Variants in NTAN1 observed in about 807,000 individuals in gnomAD.
NTAN1 encodes N-terminal asparagine amidase, also known as protein N-terminal asparagine amidohydrolase.
NTAN1 carries 32 observed loss-of-function variants against 41.9 expected under a neutral mutation model. The ratio of observed to expected loss-of-function variants is 0.76; its 90% CI spans 0.58 to 1.03. NTAN1 has a LOEUF of 1.03. NTAN1 is among the 50% of genes least tolerant of loss of function. The probability of loss-of-function intolerance (pLI) is 0.00; values close to 1 mark genes in which losing one functional copy is unlikely to be tolerated. For synonymous variants in NTAN1, 140 were observed against 139.5 expected (o/e 1.00, Z -0.03); for missense variants, 377 against 377.5 (o/e 1.00, Z 0.01).
intron 5 of NTAN1, 52 bp from the exon 6 acceptor site, chr16:15,041,728 G>T: frequency 7.4e-7 from 1 of 1,344,440 alleles, no homozygotes; most frequent in Non-Finnish European, 1.1e-6. Context: ...CTAGTTACCA[G>T]AACAAACTGC....
chr16:15,044,365 C>T lies in NTAN1; in HGVS notation c.402G>A (p.Gln134=). 1 of 1,613,428 alleles carries T rather than the reference C, an allele frequency of 6.2e-7. No homozygotes were observed. Among genetic ancestry groups the T allele is most frequent in the Non-Finnish European group, 8.5e-7 (1 of 1,179,438 alleles). Reference sequence around the variant, plus strand: ...GTTGATGAGTGAGTTTTTGTGACAACTGCCTGTCGTCACTGAAGCCTCCAA... The same window carrying T: ...GTTGATGAGTGAGTTTTTGTGACAATTGCCTGTCGTCACTGAAGCCTCCAA... The part of the protein sequence containing the change: ...HLVGGFSDDR[Q]LSQKLTHQLL... Residue 134 remains glutamine, a synonymous_variant, in exon 5 of 10, where the codon CAG becomes CAA. Coordinates refer to ENST00000287706, the MANE Select transcript of NTAN1 (RefSeq NM_173474.4).
rs2043757502 is a variant in NTAN1, at chr16:15,040,337, G to C, written c.542-271C>G. The C allele has an allele frequency of 4.6e-5, 18 of 388,410 alleles. No individual in the cohort carries two copies. In the East Asian group the frequency reaches 7.9e-4, roughly 17 times the overall value. The allele number at this position is 388,410 out of a possible 1,614,324, so 24.1% of individuals were successfully genotyped here. A position where few individuals can be genotyped will look rare whatever the true frequency, so the allele number is the denominator to read the frequency against. ...CACATGGGAGGCAGCCATTCCTTCAGTCGGACATGTAGCAAAACCTCTGGT... is the reference window on the plus strand; with the variant it reads ...CACATGGGAGGCAGCCATTCCTTCACTCGGACATGTAGCAAAACCTCTGGT... On this transcript the variant is annotated intron_variant, in intron 7 of 9. Coordinates refer to ENST00000287706, the MANE Select transcript of NTAN1 (RefSeq NM_173474.4).
chr16:15,041,166 AAATGATTATTTTTACTTTGTATAAT>A (rs1445053426), intron 6 of NTAN1, 45 bp from the exon 7 acceptor site: 1 of 1,200,088 alleles, frequency 8.3e-7, no homozygotes, highest in East Asian at 2.3e-5. Context: ...AAGAAATACC[AAATGATTATTTTTACTTTGTATAAT>A]AAAGGCGAAG....
In NTAN1 at chr16:15,047,541, G is replaced by A; in HGVS notation, c.260C>T (p.Ala87Val). The A allele has an allele frequency of 6.2e-7, 1 of 1,612,458 alleles. No individual in the cohort carries two copies. Among genetic ancestry groups the A allele is most frequent in the Non-Finnish European group, 8.5e-7 (1 of 1,178,460 alleles). Residue 87 changes from alanine (A) to valine (V), a missense_variant, in exon 4 of 10, where the codon GCC becomes GTC. Ala to Val is a moderately conservative substitution (Grantham distance 64, BLOSUM62 0). Transcript: ENST00000287706. ...IVVLRHTGNG[A>V]TCLTHCDGTD... ...TCCGTCACAATGTGTCAAGCAGGTGGCCCCATTACCTGAAGAACAAGGGTG... is the reference window on the plus strand; with the variant it reads ...TCCGTCACAATGTGTCAAGCAGGTGACCCCATTACCTGAAGAACAAGGGTG...
intron 1 of NTAN1, among the ~76,000 whole-genome samples, chr16:15,049,178 A>G (rs537114396): frequency 6.7e-6 from 1 of 148,990 alleles, no homozygotes; most frequent in African/African-American, 2.5e-5. Flanking sequence ...ACAGGCACAC[A>G]CCGCCACACC....
chr16:15,044,542 G>A (rs926795260), intron 4 of NTAN1, 135 bp from the exon 5 acceptor site: 37 of 668,316 alleles, frequency 5.5e-5, no homozygotes, highest in Admixed American at 1.5e-4. Flanking sequence ...TCGTGCCACC[G>A]CAAAAGAAAG....
intron 1 of NTAN1, among the ~76,000 whole-genome samples, chr16:15,053,258 C>T (rs916015984): frequency 2.0e-5 from 3 of 152,238 alleles, no homozygotes; most frequent in Non-Finnish European, 2.9e-5. Flanking sequence ...GGCCTGGGGC[C>T]AGTTTCCCAG....
chr16:15,041,273 C>G, intron 6 of NTAN1, 152 bp from the exon 7 acceptor site: 1 of 664,384 alleles, frequency 1.5e-6, no homozygotes, highest in Non-Finnish European at 2.7e-6. Flanking sequence ...GTTTCCCTAC[C>G]CTGTCCCAAG....
At chr16:15,040,133 C>A (rs1056118251) in intron 7 of NTAN1, 67 bp from the exon 8 acceptor site, 30 of 830,726 alleles carry the variant, frequency 3.6e-5, no homozygotes, top group Non-Finnish European at 5.9e-5. Flanking sequence ...CACAGTCTTA[C>A]ATTTCTACCA....
chr16:15,041,970 T>C (rs1378575160), intron 5 of NTAN1, among the ~76,000 whole-genome samples: 1 of 152,204 alleles, frequency 6.6e-6, no homozygotes, highest in African/African-American at 2.4e-5. Flanking sequence ...CCCATGGATT[T>C]ATAAGATTTT....
intron 1 of NTAN1, chr16:15,055,598 G>C (rs2044477925): frequency 3.4e-6 from 1 of 292,606 alleles, no homozygotes; most frequent in East Asian, 5.4e-5. Context: ...CGGGGAATGG[G>C]GGTCCCGGCG....
At chr16:15,054,512 T>C (rs920377814) in intron 1 of NTAN1, among the ~76,000 whole-genome samples, 1 of 152,200 alleles carries the variant, frequency 6.6e-6, no homozygotes. Context: ...TTGACTTCGC[T>C]AGCTAACAGG....
chr16:15,046,567 T>G (rs922983970), intron 4 of NTAN1, among the ~76,000 whole-genome samples: 2 of 152,076 alleles, frequency 1.3e-5, no homozygotes, highest in African/African-American at 4.8e-5. Context: ...AGAGGCCGCT[T>G]CTTATCCAGC....
intron 4 of NTAN1, 148 bp from the exon 5 acceptor site, chr16:15,044,555 T>C (rs572245505): frequency 1.5e-5 from 10 of 648,418 alleles, no homozygotes; most frequent in Non-Finnish European, 2.5e-5. Flanking sequence ...AAAGAAAGTA[T>C]CGGCAGCACA....
intron 9 of NTAN1, 170 bp downstream of exon 9, chr16:15,038,404 G>A (rs1378374520): frequency 1.3e-5 from 8 of 623,518 alleles, no homozygotes; most frequent in Non-Finnish European, 2.3e-5. Flanking sequence ...TCTAGGACTT[G>A]ACATATCCCC....
At chr16:15,050,045 T>A (rs547053978) in intron 1 of NTAN1, among the ~76,000 whole-genome samples, 1 of 152,332 alleles carries the variant, frequency 6.6e-6, no homozygotes, top group South Asian at 2.1e-4. Flanking sequence ...TTGTCCTCTC[T>A]TCTCTCAATG....
At chr16:15,046,742 G>C (rs1004611634) in intron 4 of NTAN1, among the ~76,000 whole-genome samples, 1 of 148,802 alleles carries the variant, frequency 6.7e-6, no homozygotes, top group Non-Finnish European at 1.5e-5. Context: ...GGGTATGGTG[G>C]TGTACACCTG....
intron 1 of NTAN1, among the ~76,000 whole-genome samples, chr16:15,053,676 C>T (rs1038700516): frequency 6.6e-6 from 1 of 151,890 alleles, no homozygotes; most frequent in Non-Finnish European, 1.5e-5. Flanking sequence ...TTTGGGAGGC[C>T]GAGACGGGCA....
At chr16:15,047,223 C>T (rs2044110267) in intron 4 of NTAN1, 2 of 531,556 alleles carry the variant, frequency 3.8e-6, no homozygotes, top group African/African-American at 3.8e-5. Context: ...AGCCTTCCAT[C>T]TCAAATCCAG....
Sources: allele counts gnomAD v4.1 joint callset (sites outside exome capture counted in the v4.1 genomes callset), GRCh38; gene constraint gnomAD v4.1.1; transcripts MANE v1.5; gene names NCBI Gene and HGNC (gene_info 2026-07-23, HGNC 2026-07-21).